MECOM: variants seen among roughly 807,000 people sequenced by gnomAD.
MECOM encodes the protein histone-lysine N-methyltransferase MECOM.
MECOM carries 13 observed loss-of-function variants against 116.3 expected under a neutral mutation model. The observed-to-expected ratio is 0.11, with a 90% CI of 0.07 to 0.18. The LOEUF (loss-of-function observed/expected upper bound fraction) is 0.18, where lower values mean the gene tolerates loss of function less well. Ranked by LOEUF, MECOM falls within the 10% of genes least tolerant of loss-of-function variation. The pLI, the probability that MECOM is intolerant of heterozygous loss-of-function variation, is 1.00. For synonymous variants in MECOM, 528 were observed against 535.2 expected (o/e 0.99, Z 0.19); for missense variants, 1,299 against 1,509.0 (o/e 0.86, Z 2.31).
intron 2 of MECOM, among the ~76,000 whole-genome samples, chr3:169,191,560 A>G (rs1747550388): frequency 1.3e-5 from 2 of 151,388 alleles, no homozygotes; most frequent in Non-Finnish European, 2.9e-5. Flanking sequence ...GAATGTAAGG[A>G]AAGAGTGAAG....
At chr3:169,157,463 T>C (rs1008652637) in intron 2 of MECOM, among the ~76,000 whole-genome samples, 7 of 152,316 alleles carry the variant, frequency 4.6e-5, no homozygotes, top group African/African-American at 1.7e-4. Context: ...CAGAAAAGTA[T>C]GTTTAGTTTA....
At chr3:169,338,321 C>T (rs1723915533) in intron 2 of MECOM, among the ~76,000 whole-genome samples, 1 of 152,110 alleles carries the variant, frequency 6.6e-6, no homozygotes, top group African/African-American at 2.4e-5. Context: ...AGCACCTCCG[C>T]CTTACAGAGT....
intron 2 of MECOM, among the ~76,000 whole-genome samples, chr3:169,351,114 A>G (rs1376707334): frequency 6.6e-6 from 1 of 151,880 alleles, no homozygotes; most frequent in Non-Finnish European, 1.5e-5. Context: ...CAATGTTTAT[A>G]TTTTAAAAAT....
At chr3:169,465,909 C>T (rs1014592849) in intron 1 of MECOM, among the ~76,000 whole-genome samples, 17 of 152,178 alleles carry the variant, frequency 1.1e-4, no homozygotes, top group African/African-American at 4.1e-4. Flanking sequence ...ATAAACTCTA[C>T]ATTTTACCTG....
At chr3:169,432,972 G>T (rs1284472207) in intron 1 of MECOM, among the ~76,000 whole-genome samples, 1 of 152,140 alleles carries the variant, frequency 6.6e-6, no homozygotes, top group Non-Finnish European at 1.5e-5. Context: ...GCTCATATTT[G>T]ATTTCCTTGC....
intron 1 of MECOM, among the ~76,000 whole-genome samples, chr3:169,594,892 CA>C (rs59292922): frequency 8.1e-5 from 10 of 122,750 alleles, no homozygotes; most frequent in African/African-American, 1.9e-4. Context: ...AAAAAAAAAA[CA>C]AAAAAAAAAC....
At position 169,107,322 on chromosome 3, in the gene MECOM, C is replaced by T. The variant is rs1028395220; in HGVS notation, c.2604+604G>A. On this transcript the variant is annotated intron_variant, in intron 10 of 16. Transcript: ENST00000651503. ...CTTCCACAATAAAAATAAAGCTATCCCCTAATATTATTAATTGAAACTGAC... is the reference window on the plus strand; with the variant it reads ...CTTCCACAATAAAAATAAAGCTATCTCCTAATATTATTAATTGAAACTGAC... 2.6e-5 allele frequency among the ~76,000 whole-genome samples: 4 copies of T among 152,026 alleles called. No homozygotes were observed. The East Asian group carries it at 5.8e-4, about 22-fold the overall frequency.
At chr3:169,146,729 A>C in intron 2 of MECOM, 1 of 1,216,962 alleles carries the variant, frequency 8.2e-7, no homozygotes, top group Non-Finnish European at 1.0e-6. Context: ...TTACCTTTAG[A>C]TTTCTATGGC....
At chr3:169,168,431 G>C (rs1379500540) in intron 2 of MECOM, among the ~76,000 whole-genome samples, 1 of 150,828 alleles carries the variant, frequency 6.6e-6, no homozygotes, top group Non-Finnish European at 1.5e-5. Context: ...TTGGCTGAGA[G>C]AGATGAGTTT....
chr3:169,648,745 T>G (rs1019055118), intron 1 of MECOM, among the ~76,000 whole-genome samples: 1 of 152,222 alleles, frequency 6.6e-6, no homozygotes, highest in Admixed American at 6.5e-5. Context: ...CATGCCAGCC[T>G]GAAAGACAAG....
rs961672144 is a variant in MECOM at position 169,084,490 on chromosome 3, T to C, written c.*419A>G. 31 of 237,168 alleles carry C rather than the reference T, an allele frequency of 1.3e-4. No homozygotes were observed. The highest frequency in any genetic ancestry group is 6.4e-4 in the African/African-American group (29 of 45,586). 14.7% of individuals were successfully genotyped at this position (237,168 alleles called of 1,614,324 possible). A position where few individuals can be genotyped will look rare whatever the true frequency, so the allele number is the denominator to read the frequency against. ...TAAATCTGTAATTAAAAGCAACTGT[T>C]CCCAATCATGTCAGGTGATCTTGTA... is the stretch of plus-strand genomic sequence containing the variant. On this transcript the variant is annotated 3_prime_UTR_variant, in exon 17 of 17. Coordinates refer to ENST00000651503, the MANE Select transcript of MECOM (RefSeq NM_004991.4).
intron 1 of MECOM, among the ~76,000 whole-genome samples, chr3:169,580,438 C>T (rs1287882305): frequency 6.6e-6 from 1 of 152,116 alleles, no homozygotes; most frequent in Non-Finnish European, 1.5e-5. Context: ...TTTCCTTTAG[C>T]TCACTGTGGA....
chr3:169,535,704 G>C (rs761389473), intron 1 of MECOM, among the ~76,000 whole-genome samples: 17 of 152,134 alleles, frequency 1.1e-4, no homozygotes, highest in Non-Finnish European at 2.1e-4. Flanking sequence ...AATCTCACTG[G>C]AGAAGGAACT....
intron 16 of MECOM, among the ~76,000 whole-genome samples, chr3:169,087,381 G>A (rs1718138364): frequency 6.6e-6 from 1 of 152,132 alleles, no homozygotes; most frequent in South Asian, 2.1e-4. Context: ...AGGATTGCTT[G>A]AGCTCAGGAA....
At chr3:169,429,336 C>A (rs1741220062) in intron 1 of MECOM, among the ~76,000 whole-genome samples, 1 of 152,102 alleles carries the variant, frequency 6.6e-6, no homozygotes, top group African/African-American at 2.4e-5. Context: ...AGAGAAGATT[C>A]ACTTTTTTAA....
chr3:169,295,974 T>C (rs1715520771), intron 2 of MECOM, among the ~76,000 whole-genome samples: 1 of 152,224 alleles, frequency 6.6e-6, no homozygotes, highest in Non-Finnish European at 1.5e-5. Flanking sequence ...AACAGTAACA[T>C]ATTGGTTGAA....
At chr3:169,572,740 A>G (rs1218032069) in intron 1 of MECOM, among the ~76,000 whole-genome samples, 1 of 152,054 alleles carries the variant, frequency 6.6e-6, no homozygotes, top group African/African-American at 2.4e-5. Context: ...AAAACCAAAT[A>G]TCGCATATAT....
Position 169,378,393 on chromosome 3 carries a change from G to A in MECOM, c.375+2794C>T, listed in dbSNP as rs901351116. Among the ~76,000 whole-genome samples, 4 of 36,062 alleles carry A rather than the reference G, an allele frequency of 1.1e-4. No homozygotes were observed. In the East Asian group the frequency reaches 2.4e-3, roughly 22 times the overall value. 23.7% of individuals were successfully genotyped at this position (36,062 alleles called of 152,430 possible). On this transcript the variant is annotated intron_variant, in intron 2 of 16. Transcript: ENST00000651503. ...GGAAGCAAGGAAGGAAGACAAGAAA[G>A]AAAGAAAGAAAGAAAGAAAGAAAGA...
intron 1 of MECOM, chr3:169,614,869 G>C (rs931494427): frequency 6.6e-6 from 1 of 152,170 alleles, no homozygotes; most frequent in Non-Finnish European, 1.5e-5. Context: ...TAGTGCACCC[G>C]CTTCGGGAAG....
Sources: gnomAD v4.1 joint callset for allele counts (sites outside exome capture counted in the v4.1 genomes callset) on GRCh38, gnomAD v4.1.1 for gene constraint, MANE v1.5 for transcripts, NCBI Gene and HGNC (gene_info 2026-07-23, HGNC 2026-07-21) for gene names.